Variants in PATZ1 observed in about 807,000 individuals in gnomAD.
PATZ1 encodes POZ-, AT hook-, and zinc finger-containing protein 1.
Under a neutral mutation model 46.2 loss-of-function variants are expected in PATZ1, and 9 were observed. The observed-to-expected ratio is 0.19, with a 90% CI of 0.12 to 0.34. The LOEUF (loss-of-function observed/expected upper bound fraction) is 0.34, where lower values mean the gene tolerates loss of function less well. PATZ1 is among the 10% of genes least tolerant of loss of function. The pLI, the probability that PATZ1 is intolerant of heterozygous loss-of-function variation, is 1.00. For synonymous variants in PATZ1, 426 were observed against 378.6 expected, an observed-to-expected ratio of 1.13 and a Z score of -1.45; for missense variants, 632 against 923.0, an observed-to-expected ratio of 0.68 and a Z score of 4.08.
rs141218464 is a variant in PATZ1, at chr22:31,328,646, G to C, written c.1645+141C>G. ...GATACCCACTGTGACTTTTGTCCTG[G>C]AGGCCACTGCCACTCAGATCTCTGA... On this transcript the variant is annotated intron_variant, in intron 4 of 4. Transcript: ENST00000266269. This position sits in a 1 kb window ranked among gnomAD's most constrained non-coding sequence, Gnocchi z 4.8. The C allele has an allele frequency of 1.2e-3, 858 of 718,716 alleles. 11 individuals carry two copies. The East Asian group carries it at 0.014, about 12-fold the overall frequency. The allele number at this position is 718,716 out of a possible 1,614,324, so 44.5% of individuals were successfully genotyped here.
chr22:31,331,233 A>G (rs2049437869), intron 3 of PATZ1, among the ~76,000 whole-genome samples: 1 of 152,190 alleles, frequency 6.6e-6, no homozygotes. Flanking sequence ...GTGGTACTGT[A>G]GAGTCCCCTA....
intron 3 of PATZ1, among the ~76,000 whole-genome samples, chr22:31,330,346 C>T (rs1261727128): frequency 2.0e-5 from 3 of 152,038 alleles, no homozygotes; most frequent in African/African-American, 4.8e-5. Flanking sequence ...GGGCAGATCA[C>T]GAGGTCAGGA....
rs1176696590 is a variant in PATZ1 at position 31,342,914 on chromosome 22, G to A, written c.1318C>T (p.Arg440Trp). Residue 440 changes from arginine to tryptophan, a missense_variant, in exon 2 of 5, where the codon CGG (arginine) becomes TGG (tryptophan). Coordinates refer to ENST00000266269, the MANE Select transcript of PATZ1 (RefSeq NM_014323.3). Reference protein sequence around the residue: ...GHIKQVHTSERPHKCQTCNAS... With the variant: ...GHIKQVHTSEWPHKCQTCNAS... Reference sequence around the variant, plus strand: ...GCCCCTACCTGACACTTGTGAGGCCGCTCAGAAGTGTGCACCTGCTTGATA... The same window carrying A: ...GCCCCTACCTGACACTTGTGAGGCCACTCAGAAGTGTGCACCTGCTTGATA... 4 of 1,613,920 alleles carry A rather than the reference G, an allele frequency of 2.5e-6. No individual in the cohort carries two copies. The highest frequency in any genetic ancestry group is 2.5e-6 in the Non-Finnish European group (3 of 1,179,856).
intron 1 of PATZ1, 58 bp from the exon 2 acceptor site, chr22:31,343,018 G>A (rs1387043776): frequency 1.1e-5 from 17 of 1,610,870 alleles, no homozygotes; most frequent in Non-Finnish European, 1.4e-5. Context: ...CACCACACAG[G>A]CACATATGCA....
Position 31,326,987 on chromosome 22 carries a change from G to C in PATZ1, c.1968C>G (p.Leu656=). 6.2e-7 allele frequency: 1 copy of C among 1,614,174 alleles called. No homozygotes were observed. Among genetic ancestry groups the C allele is most frequent in the African/African-American group, 1.3e-5 (1 of 75,050 alleles). The part of the protein sequence containing the change: ...PFSPQQNMSL[L]ESFGFQIVQS... ...GAACAATCTGAAACCCAAAGGACTC[G>C]AGGAGAGACATGTTCTGCTGAGGAG... Residue 656 remains leucine (L), a synonymous_variant, in exon 5 of 5, where the codon CTC becomes CTG. Coordinates refer to ENST00000266269, the MANE Select transcript of PATZ1 (RefSeq NM_014323.3).
At chr22:31,331,055 G>C (rs575097726) in intron 3 of PATZ1, among the ~76,000 whole-genome samples, 1 of 152,322 alleles carries the variant, frequency 6.6e-6, no homozygotes, top group Admixed American at 6.5e-5. Flanking sequence ...TGCCCTGCCT[G>C]GTAGAGCAAG....
In PATZ1 at chr22:31,345,165, C is replaced by T; in HGVS notation, c.438G>A (p.Arg146=). ...LMTAAKFLLM[R]SVIEICQEVI... is the part of the protein sequence containing the mutation. Reference sequence around the variant, plus strand: ...CTTCCTGGCAGATCTCGATAACCGACCTCATCAGCAGGAACTTGGCGGCCG... The same window carrying T: ...CTTCCTGGCAGATCTCGATAACCGATCTCATCAGCAGGAACTTGGCGGCCG... Residue 146 remains arginine (R), a synonymous_variant, in exon 1 of 5, where the codon AGG becomes AGA. Coordinates refer to ENST00000266269, the MANE Select transcript of PATZ1 (RefSeq NM_014323.3). The surrounding 1 kb of genome is among the most constrained non-coding windows in gnomAD (Gnocchi z 7.4). The T allele has an allele frequency of 6.2e-7, 1 of 1,614,206 alleles. No homozygotes were observed. The highest frequency in any genetic ancestry group is 8.5e-7 in the Non-Finnish European group (1 of 1,180,028).
At position 31,328,712 on chromosome 22, in the gene PATZ1, TC is replaced by T; in HGVS notation, c.1645+74del. The T allele has an allele frequency of 7.0e-7, 1 of 1,426,540 alleles. No individual in the cohort carries two copies. Among genetic ancestry groups the T allele is most frequent in the African/African-American group, 1.4e-5 (1 of 71,180 alleles). 88.4% of individuals were successfully genotyped at this position (1,426,540 alleles called of 1,614,324 possible). On this transcript the variant is annotated intron_variant, in intron 4 of 4. Coordinates refer to ENST00000266269, the MANE Select transcript of PATZ1 (RefSeq NM_014323.3). The surrounding 1 kb of genome is among the most constrained non-coding windows in gnomAD (Gnocchi z 4.8). ...CCAGAAAGCCGGCAGCCTTCCCGCC[TC>T]CCCACGCCCAGCCCAGCGCCCCCAC...
intron 1 of PATZ1, chr22:31,343,436 A>C: frequency 1.0e-6 from 1 of 987,224 alleles, no homozygotes; most frequent in Non-Finnish European, 1.2e-6. Context: ...CCAGCAGTGG[A>C]GCCTTAAGTC....
rs1310958801 is a variant in PATZ1 at position 31,342,977 on chromosome 22, C to G, written c.1272-17G>C. On this transcript the variant is annotated splice_polypyrimidine_tract_variant and intron_variant, in intron 1 of 4. Coordinates refer to ENST00000266269, the MANE Select transcript of PATZ1 (RefSeq NM_014323.3). ...TGATCAGGCCTGGAAAAGAGAGAAC[C>G]AAGAGGGACTTTAGAAACTTGGCCA... 2 of 1,613,586 alleles carry G rather than the reference C, an allele frequency of 1.2e-6. No individual in the cohort carries two copies. The highest frequency in any genetic ancestry group is 1.3e-5 in the African/African-American group (1 of 74,888).
chr22:31,326,836 C>G lies in PATZ1; in HGVS notation c.*55G>C, dbSNP rs1272850852. 2 of 1,478,010 alleles carry G rather than the reference C, an allele frequency of 1.4e-6. No homozygotes were observed. Among genetic ancestry groups the G allele is most frequent in the Non-Finnish European group, 1.8e-6 (2 of 1,089,118 alleles). 91.6% of individuals were successfully genotyped at this position (1,478,010 alleles called of 1,614,324 possible). A position where few individuals can be genotyped will look rare whatever the true frequency, so the allele number is the denominator to read the frequency against. On this transcript the variant is annotated 3_prime_UTR_variant, in exon 5 of 5. Coordinates refer to ENST00000266269, the MANE Select transcript of PATZ1 (RefSeq NM_014323.3). ...CAAACATCACTTCCCTCCGCATTCA[C>G]AGCATTTCCCAGCAGTCCCCAGATG...
At chr22:31,337,672 G>C (rs1441378554) in intron 2 of PATZ1, 1 of 152,190 alleles carries the variant, frequency 6.6e-6, no homozygotes, top group African/African-American at 2.4e-5. Flanking sequence ...TTTTAGAACT[G>C]TAAGAGAAAG....
At chr22:31,335,084 C>T (rs2049491938) in intron 3 of PATZ1, among the ~76,000 whole-genome samples, 1 of 152,216 alleles carries the variant, frequency 6.6e-6, no homozygotes, top group Non-Finnish European at 1.5e-5. Flanking sequence ...AACACCACTG[C>T]CACAGAGTTA....
At chr22:31,340,401 CTT>C (rs1210256317) in intron 2 of PATZ1, among the ~76,000 whole-genome samples, 23 of 152,242 alleles carry the variant, frequency 1.5e-4, no homozygotes, top group Admixed American at 1.4e-3. Flanking sequence ...CTCTTCACCT[CTT>C]ATGTTTTCAG....
chr22:31,332,661 C>A (rs189968201), intron 3 of PATZ1, among the ~76,000 whole-genome samples: 2 of 152,380 alleles, frequency 1.3e-5, no homozygotes, highest in Admixed American at 1.3e-4. Flanking sequence ...CCATTCCCAA[C>A]TGCACTGTGT....
chr22:31,342,683 C>T (rs1218420912), intron 2 of PATZ1, among the ~76,000 whole-genome samples: 5 of 152,064 alleles, frequency 3.3e-5, no homozygotes, highest in Non-Finnish European at 7.4e-5. Flanking sequence ...CAGGACCAAG[C>T]AACCAGGAAG....
At chr22:31,343,017 G>C in intron 1 of PATZ1, 57 bp from the exon 2 acceptor site, 1 of 1,611,526 alleles carries the variant, frequency 6.2e-7, no homozygotes, top group Non-Finnish European at 8.5e-7. Flanking sequence ...CCACCACACA[G>C]GCACATATGC....
rs374813678 is a variant in PATZ1 at position 31,346,053 on chromosome 22, C to A, written c.-451G>T. 6,019 of 164,240 alleles carry A rather than the reference C, an allele frequency of 0.037. 155 individuals are homozygous for A. The highest frequency in any genetic ancestry group is 0.083 in the South Asian group (475 of 5,696). 10.2% of individuals were successfully genotyped at this position (164,240 alleles called of 1,614,324 possible). A position where few individuals can be genotyped will look rare whatever the true frequency, so the allele number is the denominator to read the frequency against. ...CGCGCGCGCGCGCCGCGGCTTTTCC[C>A]GGGCCCGCTGGGGGCGCGCGCTGCG... On this transcript the variant is annotated 5_prime_UTR_variant, in exon 1 of 5. Transcript: ENST00000266269.
chr22:31,328,723 A>T lies in PATZ1; in HGVS notation c.1645+64T>A, dbSNP rs1238693187. 6.5e-7 allele frequency: 1 copy of T among 1,532,878 alleles called. No individual in the cohort carries two copies. Among genetic ancestry groups the T allele is most frequent in the African/African-American group, 1.4e-5 (1 of 73,244 alleles). 95.0% of individuals were successfully genotyped at this position (1,532,878 alleles called of 1,614,324 possible). A position where few individuals can be genotyped will look rare whatever the true frequency, so the allele number is the denominator to read the frequency against. On this transcript the variant is annotated intron_variant, in intron 4 of 4. Transcript: ENST00000266269. This position sits in a 1 kb window ranked among gnomAD's most constrained non-coding sequence, Gnocchi z 4.8. ...GCAGCCTTCCCGCCTCCCCACGCCC[A>T]GCCCAGCGCCCCCACAACACAGTCT...
Sources: allele counts gnomAD v4.1 joint callset (sites outside exome capture counted in the v4.1 genomes callset), GRCh38; gene constraint gnomAD v4.1.1; non-coding constraint Gnocchi (gnomAD v3.1); transcripts MANE v1.5; gene names NCBI Gene and HGNC (gene_info 2026-07-23, HGNC 2026-07-21).